The following TANC2 variants were observed in gnomAD, a reference collection of about 807,000 sequenced individuals.
The protein encoded by TANC2 is tetratricopeptide repeat, ankyrin repeat and coiled-coil containing 2.
A neutral mutation model predicts 210.5 loss-of-function variants in TANC2; 26 were observed. The ratio of observed to expected loss-of-function variants is 0.12; its 90% confidence interval spans 0.09 to 0.17. The LOEUF (loss-of-function observed/expected upper bound fraction) is 0.17, where lower values mean the gene tolerates loss of function less well. Among genes scored for constraint, TANC2 ranks in the 10% least tolerant of loss-of-function variants. The probability of loss-of-function intolerance (pLI) is 1.00; values close to 1 mark genes in which losing one functional copy is unlikely to be tolerated. For synonymous variants in TANC2, 931 were observed against 967.1 expected (o/e 0.96, Z 0.69); for missense variants, 2,129 against 2,608.9 (o/e 0.82, Z 4.01).
chr17:63,393,997 C>T lies in TANC2; in HGVS notation c.3052-1746C>T, dbSNP rs12051696. Among the ~76,000 whole-genome samples, 218 of 152,188 alleles carry T rather than the reference C, an allele frequency of 1.4e-3. 5 individuals carry two copies. In the East Asian group the frequency reaches 0.037, roughly 26 times the overall value. On this transcript the variant is annotated intron_variant, in intron 17 of 27. Transcript: ENST00000689528. ...ATGTTGGCCAGGCTGGTCTCGAACT[C>T]GTGACCTCAGGTGATCCACCCGCCT...
At chr17:63,425,852 T>A (rs1009783964) in exon 28 of TANC2, 1 of 152,286 alleles carries the variant, frequency 6.6e-6, no homozygotes, top group Admixed American at 6.5e-5. Flanking sequence ...GAGAAGCCCC[T>A]TCTTCCCCAT....
chr17:63,059,444 C>T (rs1376696937), intron 2 of TANC2, among the ~76,000 whole-genome samples: 1 of 152,148 alleles, frequency 6.6e-6, no homozygotes, highest in Non-Finnish European at 1.5e-5. Context: ...TTTTTAGGCA[C>T]TGAGCCCCAG....
chr17:63,005,893 AGTTTGT>A (rs142372674), intron 1 of TANC2, among the ~76,000 whole-genome samples: 5 of 121,014 alleles, frequency 4.1e-5, no homozygotes, highest in African/African-American at 9.2e-5. Context: ...CTGGCTGTAT[AGTTTGT>A]GTGTGTGTGT....
At chr17:63,010,041 A>G (rs1428486805) in intron 2 of TANC2, among the ~76,000 whole-genome samples, 1 of 152,198 alleles carries the variant, frequency 6.6e-6, no homozygotes, top group Non-Finnish European at 1.5e-5. Context: ...TTTTATAGCC[A>G]TTAAAATAAA....
intron 1 of TANC2, among the ~76,000 whole-genome samples, chr17:62,973,751 T>G (rs1170952591): frequency 6.6e-6 from 1 of 152,218 alleles, no homozygotes. Flanking sequence ...CTATAGCCCA[T>G]AGACCAAATC....
intron 9 of TANC2, among the ~76,000 whole-genome samples, chr17:63,295,510 T>G (rs2044508180): frequency 6.6e-6 from 1 of 152,144 alleles, no homozygotes; most frequent in Non-Finnish European, 1.5e-5. Context: ...CCTGAAGAGA[T>G]AAGTCTATTT....
intron 2 of TANC2, among the ~76,000 whole-genome samples, chr17:63,027,541 A>C (rs2034603492): frequency 6.6e-6 from 1 of 152,014 alleles, no homozygotes; most frequent in Non-Finnish European, 1.5e-5. Flanking sequence ...AAAGAAAAAA[A>C]ACCTCTTGAT....
chr17:63,039,642 G>A (rs1018328316), intron 2 of TANC2, among the ~76,000 whole-genome samples: 2 of 152,136 alleles, frequency 1.3e-5, no homozygotes, highest in South Asian at 2.1e-4. Flanking sequence ...AAAGATAACC[G>A]TCAATATGAT....
intron 19 of TANC2, among the ~76,000 whole-genome samples, chr17:63,403,906 C>CA (rs1238023823): frequency 2.6e-5 from 4 of 152,194 alleles, no homozygotes; most frequent in Non-Finnish European, 4.4e-5. Flanking sequence ...AGTCCAGAGA[C>CA]AAAATGCCAT....
At chr17:63,045,339 G>A (rs1178749055) in intron 2 of TANC2, among the ~76,000 whole-genome samples, 3 of 152,162 alleles carry the variant, frequency 2.0e-5, no homozygotes, top group Non-Finnish European at 2.9e-5. Context: ...TCTTCTGTCA[G>A]TCTGTACACT....
At chr17:63,051,785 T>C (rs1367342287) in intron 2 of TANC2, among the ~76,000 whole-genome samples, 2 of 152,152 alleles carry the variant, frequency 1.3e-5, no homozygotes, top group African/African-American at 2.4e-5. Context: ...TAGAAGATAG[T>C]GTTATAGTTT....
At chr17:63,169,988 A>G (rs899389249) in intron 5 of TANC2, among the ~76,000 whole-genome samples, 5 of 151,112 alleles carry the variant, frequency 3.3e-5, no homozygotes, top group Admixed American at 2.0e-4. Flanking sequence ...GCGCGGTGGC[A>G]GGTGCCTGTA....
At chr17:63,395,965 T>C in intron 18 of TANC2, 37 bp downstream of exon 18, 3 of 1,540,290 alleles carry the variant, frequency 1.9e-6, no homozygotes, top group Non-Finnish European at 2.6e-6. Context: ...TTTCAAGCTC[T>C]GTATTGAAGG....
intron 8 of TANC2, among the ~76,000 whole-genome samples, chr17:63,245,684 T>C (rs1449382304): frequency 6.6e-6 from 1 of 151,648 alleles, no homozygotes; most frequent in Non-Finnish European, 1.5e-5. Context: ...CTACTAAAAA[T>C]ACAAAAACTT....
intron 1 of TANC2, among the ~76,000 whole-genome samples, chr17:62,975,135 G>A (rs2031929410): frequency 6.6e-6 from 1 of 152,268 alleles, no homozygotes. Context: ...TAGAGATTGT[G>A]ATTTAGTCAT....
At chr17:63,424,336 A>G (rs1312384197) in exon 28 of TANC2, 2 of 152,244 alleles carry the variant, frequency 1.3e-5, no homozygotes, top group Non-Finnish European at 2.9e-5. Context: ...GGGAGTAGGT[A>G]TCACTGCTGC....
intron 14 of TANC2, among the ~76,000 whole-genome samples, chr17:63,361,752 G>A (rs2046964563): frequency 6.6e-6 from 1 of 152,216 alleles, no homozygotes; most frequent in African/African-American, 2.4e-5. Context: ...CAGGTCCTGA[G>A]GTCTTGTCCT....
chr17:62,979,181 T>C (rs1421016174), intron 1 of TANC2, among the ~76,000 whole-genome samples: 1 of 152,214 alleles, frequency 6.6e-6, no homozygotes, highest in African/African-American at 2.4e-5. Flanking sequence ...ACCATCCTTA[T>C]ATGCCCTGAG....
At chr17:63,063,575 T>G (rs622498) in intron 2 of TANC2, among the ~76,000 whole-genome samples, 2,504 of 132,524 alleles carry the variant, frequency 0.019, 85 homozygotes, top group African/African-American at 0.053. Flanking sequence ...TGTGTGTGTG[T>G]AGATATATCT....
Sources: allele counts gnomAD v4.1 joint callset (sites outside exome capture counted in the v4.1 genomes callset), GRCh38; gene constraint gnomAD v4.1.1; transcripts MANE v1.5; gene names NCBI Gene and HGNC (gene_info 2026-07-23, HGNC 2026-07-21).